The following ANKRD12 variants were observed in gnomAD, a reference collection of about 807,000 sequenced individuals.
The protein encoded by ANKRD12 is ankyrin repeat domain 12, also known as ankyrin repeat domain-containing protein 12.
Under a neutral mutation model 183.4 loss-of-function variants are expected in ANKRD12, and 85 were observed. The ratio of observed to expected loss-of-function variants is 0.46; its 90% CI spans 0.39 to 0.56. ANKRD12 has a LOEUF of 0.56. ANKRD12 is among the 20% of genes least tolerant of loss of function. The pLI is 0.00. For synonymous variants in ANKRD12, 914 were observed against 800.2 expected (o/e 1.14, Z -2.40); for missense variants, 2,405 against 2,357.1 (o/e 1.02, Z -0.42).
chr18:9,267,742 G>C (rs574264458), intron 10 of ANKRD12, among the ~76,000 whole-genome samples: 232 of 152,030 alleles, frequency 1.5e-3, no homozygotes, highest in Non-Finnish European at 2.0e-3. Context: ...ACATTCAAAA[G>C]GTAGCAGAAG....
At position 9,279,529 on chromosome 18, in the gene ANKRD12, TACTC is replaced by T. The variant is rs772710327; in HGVS notation, c.5908-16_5908-13del. 193 of 1,395,570 alleles carry T rather than the reference TACTC, an allele frequency of 1.4e-4. No individual in the cohort carries two copies. Among genetic ancestry groups the T allele is most frequent in the South Asian group, 1.6e-4 (13 of 82,934 alleles). The allele number at this position is 1,395,570 out of a possible 1,614,324, so 86.4% of individuals were successfully genotyped here. On this transcript the variant is annotated splice_polypyrimidine_tract_variant and intron_variant, in intron 11 of 12. Coordinates refer to ENST00000262126, the MANE Select transcript of ANKRD12 (RefSeq NM_015208.5). ...TAAAGTGATTTATTGTATTTTATAA[TACTC>T]ACTTTTCTCTTTTAGTCTGATGACA...
intron 4 of ANKRD12, among the ~76,000 whole-genome samples, chr18:9,207,323 AAAT>A (rs1214738932): frequency 6.6e-6 from 1 of 152,108 alleles, no homozygotes; most frequent in Admixed American, 6.6e-5. Flanking sequence ...TACTGGAAAA[AAAT>A]AAAGTTGATT....
At chr18:9,188,216 T>TG (rs769294679) in intron 2 of ANKRD12, among the ~76,000 whole-genome samples, 3 of 152,220 alleles carry the variant, frequency 2.0e-5, no homozygotes, top group Non-Finnish European at 4.4e-5. Context: ...GATGCAGTGA[T>TG]GGGCAGATGA....
chr18:9,219,724 C>T (rs1307514866), intron 7 of ANKRD12, among the ~76,000 whole-genome samples: 1 of 146,508 alleles, frequency 6.8e-6, no homozygotes, highest in African/African-American at 2.5e-5. Context: ...AAATTGAAAC[C>T]AGAGCCATAC....
At chr18:9,227,639 A>G (rs1207850933) in intron 8 of ANKRD12, among the ~76,000 whole-genome samples, 1 of 152,174 alleles carries the variant, frequency 6.6e-6, no homozygotes, top group Non-Finnish European at 1.5e-5. Flanking sequence ...TCCATCAAAG[A>G]TGTTGAAACC....
At position 9,211,320 on chromosome 18, in the gene ANKRD12, G is replaced by C. The variant is rs374562040; in HGVS notation, c.452-264G>C. On this transcript the variant is annotated intron_variant, in intron 5 of 12. Transcript: ENST00000262126. ...TCATTAAGGAAACATTTTAGAGTAC[G>C]TATTTGATACTTTATCATTTTAAAC... Among the ~76,000 whole-genome samples, 3 of 152,066 alleles carry C rather than the reference G, an allele frequency of 2.0e-5. No individual in the cohort carries two copies. The East Asian group carries it at 5.8e-4, about 29-fold the overall frequency.
intron 5 of ANKRD12, among the ~76,000 whole-genome samples, chr18:9,210,990 A>G (rs2035772277): frequency 6.6e-6 from 1 of 151,976 alleles, no homozygotes; most frequent in Non-Finnish European, 1.5e-5. Context: ...GACTTTGGGC[A>G]TCATCTAATT....
At chr18:9,252,673 C>T (rs1255968071) in intron 8 of ANKRD12, among the ~76,000 whole-genome samples, 2 of 152,144 alleles carry the variant, frequency 1.3e-5, no homozygotes, top group Non-Finnish European at 2.9e-5. Flanking sequence ...AGATAATTTA[C>T]AGGGCTGGGT....
chr18:9,145,443 CAG>C (rs2078461810), intron 1 of ANKRD12, among the ~76,000 whole-genome samples: 1 of 152,200 alleles, frequency 6.6e-6, no homozygotes. Flanking sequence ...AATTCACACT[CAG>C]GAAACAAAAT....
chr18:9,199,817 T>A (rs796324745), intron 3 of ANKRD12, among the ~76,000 whole-genome samples: 5 of 152,314 alleles, frequency 3.3e-5, no homozygotes, highest in African/African-American at 1.2e-4. Context: ...ATAAATTTAT[T>A]ACTGTCTCTG....
chr18:9,140,801 C>A (rs187238982), intron 1 of ANKRD12, among the ~76,000 whole-genome samples: 1 of 151,958 alleles, frequency 6.6e-6, no homozygotes, highest in Non-Finnish European at 1.5e-5. Flanking sequence ...CATAGATTAT[C>A]GGAGTTTTTA....
At chr18:9,148,346 G>A (rs1281245643) in intron 1 of ANKRD12, among the ~76,000 whole-genome samples, 2 of 152,080 alleles carry the variant, frequency 1.3e-5, no homozygotes, top group Non-Finnish European at 2.9e-5. Flanking sequence ...ATGTATGTAT[G>A]TATAAGATAC....
chr18:9,239,470 T>G, intron 8 of ANKRD12: 2 of 1,267,574 alleles, frequency 1.6e-6, no homozygotes, highest in South Asian at 2.5e-5. Context: ...ATGTATTGAT[T>G]TTTCAGAATA....
chr18:9,174,946 A>G (rs2033125757), intron 1 of ANKRD12, among the ~76,000 whole-genome samples: 1 of 151,856 alleles, frequency 6.6e-6, no homozygotes, highest in Non-Finnish European at 1.5e-5. Flanking sequence ...TTATTTATTT[A>G]TTTATTTATT....
At chr18:9,157,548 T>TA (rs1555707747) in intron 1 of ANKRD12, among the ~76,000 whole-genome samples, 175 of 108,694 alleles carry the variant, frequency 1.6e-3, no homozygotes, top group African/African-American at 8.4e-3. Flanking sequence ...ATGGTGTGTG[T>TA]GGGTGTGTGT....
intron 1 of ANKRD12, among the ~76,000 whole-genome samples, chr18:9,153,341 A>G (rs545612638): frequency 2.6e-5 from 4 of 152,350 alleles, no homozygotes; most frequent in Admixed American, 6.5e-5. Context: ...GAATATTACT[A>G]CATTGTTTTC....
At chr18:9,182,622 G>A (rs112983081) in intron 2 of ANKRD12, 103 bp downstream of exon 2, 15 of 644,930 alleles carry the variant, frequency 2.3e-5, no homozygotes, top group African/African-American at 2.3e-4. Context: ...CAATATGGAT[G>A]CCAGATAAAT....
chr18:9,281,368 G>A lies in ANKRD12; in HGVS notation c.*242G>A. 3.1e-6 allele frequency: 1 copy of A among 326,076 alleles called. No homozygotes were observed. Among genetic ancestry groups the A allele is most frequent in the East Asian group, 6.0e-5 (1 of 16,642 alleles). 20.2% of individuals were successfully genotyped at this position (326,076 alleles called of 1,614,324 possible). A position where few individuals can be genotyped will look rare whatever the true frequency, so the allele number is the denominator to read the frequency against. On this transcript the variant is annotated 3_prime_UTR_variant, in exon 13 of 13. Transcript: ENST00000262126. ...ATTGGGAAAGGTAACTATTGCATTA[G>A]AGCATGTTGGCAGACTGGTAGGTAT...
intron 1 of ANKRD12, among the ~76,000 whole-genome samples, chr18:9,152,581 ACT>A (rs1277101353): frequency 6.6e-6 from 1 of 150,442 alleles, no homozygotes; most frequent in Non-Finnish European, 1.5e-5. Flanking sequence ...ACTTTTACAG[ACT>A]CTTGATTAGT....
Sources: allele counts gnomAD v4.1 joint callset (sites outside exome capture counted in the v4.1 genomes callset), GRCh38; gene constraint gnomAD v4.1.1; transcripts MANE v1.5; gene names NCBI Gene and HGNC (gene_info 2026-07-23, HGNC 2026-07-21).